The following CASKIN1 variants were observed in gnomAD, a reference collection of about 807,000 sequenced individuals.
CASKIN1 encodes CASK interacting protein 1, also known as caskin-1.
In CASKIN1, 42 loss-of-function variants were observed where a neutral mutation model predicts 117.5. The ratio of observed to expected loss-of-function variants is 0.36; its 90% CI spans 0.28 to 0.46. The LOEUF is 0.46. CASKIN1 is among the 20% of genes least tolerant of loss of function. CASKIN1 has a pLI of 1.00. For missense variants in CASKIN1, 2,083 were observed against 2,077.3 expected (o/e 1.00, Z -0.05); for synonymous variants, 1,148 against 961.7 (o/e 1.19, Z -3.59).
chr16:2,179,989 G>A lies in CASKIN1; in HGVS notation c.3379C>T (p.Arg1127Cys), dbSNP rs745646939. ...TGCTGGTTCTGCTTGGCCCGGATGCGCCTCTTGAGTGTGGCGCTGGCTTCC... is the reference window on the plus strand; with the variant it reads ...TGCTGGTTCTGCTTGGCCCGGATGCACCTCTTGAGTGTGGCGCTGGCTTCC... ...KVEASATLKR[R>C]IRAKQNQQEN... The change falls in exon 18 of 20, where the codon CGC becomes TGC. Residue 1127 changes from arginine (R) to cysteine (C), a missense_variant. Arg to Cys is a radical substitution (Grantham distance 180). Around this residue, in one of 3 missense-constraint regions of CASKIN1, gnomAD observed 1,818 missense variants for 1,688.9 expected, o/e 1.08. Coordinates refer to ENST00000343516, the MANE Select transcript of CASKIN1 (RefSeq NM_020764.4). This position sits in a 1 kb window ranked among gnomAD's most constrained non-coding sequence, Gnocchi z 5.8. 5.6e-6 allele frequency: 9 copies of A among 1,604,794 alleles called. No homozygotes were observed. The highest frequency in any genetic ancestry group is 4.5e-5 in the East Asian group (2 of 44,300).
chr16:2,185,038 G>A lies in CASKIN1; in HGVS notation c.1240-3C>T. ...TGGGAAAGCACCGTTGCCAGGAGCT[G>A]CAACCCAGAAACCCCGGCTTGTCAC... On this transcript the variant is annotated splice_polypyrimidine_tract_variant and splice_region_variant and intron_variant, in intron 12 of 19. Coordinates refer to ENST00000343516, the MANE Select transcript of CASKIN1 (RefSeq NM_020764.4). 1 of 1,608,200 alleles carries A rather than the reference G, an allele frequency of 6.2e-7. No individual in the cohort carries two copies. The highest frequency in any genetic ancestry group is 8.5e-7 in the Non-Finnish European group (1 of 1,176,350).
rs1178707637 is a variant in CASKIN1, at chr16:2,181,434, T to G, written c.1934A>C (p.Gln645Pro). Residue 645 changes from glutamine to proline, a missense_variant, in exon 18 of 20, where the codon CAG becomes CCG. Transcript: ENST00000343516. ...CTGGAAGGTGGTCATTTTAGGGGAC[T>G]GGCAGTCGGCCGGTGTGGGCTCAGG... ...PPPEPTPADC[Q>P]SPKMTTFQDS... The G allele has an allele frequency of 1.4e-5, 22 of 1,612,220 alleles. No homozygotes were observed. Among genetic ancestry groups the G allele is most frequent in the Non-Finnish European group, 1.9e-5 (22 of 1,179,806 alleles).
intron 16 of CASKIN1, among the ~76,000 whole-genome samples, chr16:2,183,203 T>C (rs1008878825): frequency 3.9e-5 from 6 of 152,150 alleles, no homozygotes; most frequent in African/African-American, 1.4e-4. Flanking sequence ...GCACACAAGC[T>C]GGTGGATGCC....
chr16:2,179,856 T>A lies in CASKIN1; in HGVS notation c.3512A>T (p.His1171Leu). ...GCGGCGCACGGTGCCAGTGCCATTA[T>A]GGTACACGGACAGTGGCGGTGGTGG... ...PEPPPPLSVY[H>L]NGTGTVRRRP... The change falls in exon 18 of 20, where the codon CAT becomes CTT. Residue 1171 changes from histidine (H) to leucine (L), a missense_variant. By Grantham distance (99) the His-to-Leu change is moderately conservative. Coordinates refer to ENST00000343516, the MANE Select transcript of CASKIN1 (RefSeq NM_020764.4). The surrounding 1 kb of genome is among the most constrained non-coding windows in gnomAD (Gnocchi z 5.8). 6.2e-7 allele frequency: 1 copy of A among 1,607,272 alleles called. No homozygotes were observed. The highest frequency in any genetic ancestry group is 1.1e-5 in the South Asian group (1 of 90,172).
intron 10 of CASKIN1, 45 bp downstream of exon 10, chr16:2,186,662 A>C (rs769057157): frequency 5.9e-5 from 91 of 1,544,584 alleles, no homozygotes; most frequent in Admixed American, 3.6e-4. Context: ...CCAGCCCCCA[A>C]GCCCAGGGGC....
intron 19 of CASKIN1, 96 bp from the exon 20 acceptor site, chr16:2,178,742 T>C (rs2093154234): frequency 1.5e-6 from 2 of 1,350,774 alleles, no homozygotes; most frequent in South Asian, 2.9e-5. Flanking sequence ...CTCCGTCGGC[T>C]TCCGCCTACC....
chr16:2,181,740 G>A (rs760324257), intron 17 of CASKIN1, 51 bp downstream of exon 17: 4 of 1,591,046 alleles, frequency 2.5e-6, no homozygotes, highest in African/African-American at 2.7e-5. Context: ...TGGTGGCTGG[G>A]GCTTGGGCTG....
In CASKIN1 at chr16:2,178,906, G is replaced by C. The variant is rs753944014; in HGVS notation, c.4195C>G (p.Pro1399Ala). 6.8e-7 allele frequency: 1 copy of C among 1,467,196 alleles called. No homozygotes were observed. 90.9% of individuals were successfully genotyped at this position (1,467,196 alleles called of 1,614,324 possible). A position where few individuals can be genotyped will look rare whatever the true frequency, so the allele number is the denominator to read the frequency against. ...CAGGCCCCGCCCCGCACCTACCGCG[G>C]GCCCTGCGCGTCCTCCTGCCGGATC... ...EKIRQEDAQGPRDSAAEKSTG... is the reference protein window; with the variant it reads ...EKIRQEDAQGARDSAAEKSTG... Residue 1399 changes from proline to alanine, a missense_variant, in exon 19 of 20, where the codon CCG becomes GCG. Transcript: ENST00000343516.
At chr16:2,186,672 C>T (rs1450517575) in intron 10 of CASKIN1, 35 bp downstream of exon 10, 6 of 1,578,612 alleles carry the variant, frequency 3.8e-6, no homozygotes, top group Non-Finnish European at 5.2e-6. Flanking sequence ...AGCCCAGGGG[C>T]TCCTGCCTGC....
At position 2,192,364 on chromosome 16, in the gene CASKIN1, C is replaced by T. The variant is rs1401567663; in HGVS notation, c.95-2006G>A. Among the ~76,000 whole-genome samples, 3 of 151,932 alleles carry T rather than the reference C, an allele frequency of 2.0e-5. No homozygotes were observed. In the East Asian group the frequency reaches 5.8e-4, roughly 29 times the overall value. ...TTGCCACGCCTCTCCTGAAGACCCC[C>T]TGGCAGCACTGGTCTCACTGGGAGG... On this transcript the variant is annotated intron_variant, in intron 1 of 19. Transcript: ENST00000343516.
In CASKIN1 at chr16:2,190,389, G is replaced by C. The variant is rs374734157; in HGVS notation, c.95-31C>G. On this transcript the variant is annotated intron_variant, in intron 1 of 19. Coordinates refer to ENST00000343516, the MANE Select transcript of CASKIN1 (RefSeq NM_020764.4). ...GATGGAAGGAGACTCAGTGAGGGGA[G>C]GCTGTGCCAGCCCCTCCAGGCGGCC... 4.6e-5 allele frequency: 72 copies of C among 1,554,060 alleles called. No individual in the cohort carries two copies. In the Middle Eastern group the frequency reaches 5.2e-4, roughly 11 times the overall value.
At position 2,181,390 on chromosome 16, in the gene CASKIN1, C is replaced by T. The variant is rs375586649; in HGVS notation, c.1978G>A (p.Glu660Lys). 17 of 1,610,178 alleles carry T rather than the reference C, an allele frequency of 1.1e-5. No homozygotes were observed. The highest frequency in any genetic ancestry group is 2.7e-5 in the African/African-American group (2 of 74,986). The part of the protein sequence containing the change: ...TTFQDSELSD[E>K]LQAAMTGPAE... Reference sequence around the variant, plus strand: ...GGGCCAGTCATGGCAGCCTGCAGCTCGTCACTGAGCTCGCTGTCCTGGAAG... The same window carrying T: ...GGGCCAGTCATGGCAGCCTGCAGCTTGTCACTGAGCTCGCTGTCCTGGAAG... The change falls in exon 18 of 20, where the codon GAG becomes AAG. Residue 660 changes from glutamate (E) to lysine (K), a missense_variant. Physicochemically the swap from Glu to Lys is moderately conservative, Grantham distance 56. Coordinates refer to ENST00000343516, the MANE Select transcript of CASKIN1 (RefSeq NM_020764.4).
At chr16:2,194,100 TGGGGTCCAGTCCATATCCCA>T (rs2093208752) in intron 1 of CASKIN1, among the ~76,000 whole-genome samples, 1 of 152,154 alleles carries the variant, frequency 6.6e-6, no homozygotes, top group African/African-American at 2.4e-5. Flanking sequence ...TCCCCACCTC[TGGGGTCCAGTCCATATCCCA>T]GGCTAGAAGG....
At chr16:2,185,245 T>G in intron 11 of CASKIN1, 46 bp from the exon 12 acceptor site, 1 of 1,604,642 alleles carries the variant, frequency 6.2e-7, no homozygotes, top group South Asian at 1.1e-5. Flanking sequence ...GGCCCCTGCC[T>G]GGCCCCACGG....
At chr16:2,189,376 G>A (rs369722523) in intron 4 of CASKIN1, 43 bp from the exon 5 acceptor site, 80 of 1,610,392 alleles carry the variant, frequency 5.0e-5, no homozygotes, top group African/African-American at 4.9e-4. Flanking sequence ...TCCTCAGGCC[G>A]CGCTGCCCCG....
chr16:2,191,174 A>G (rs1398082379), intron 1 of CASKIN1, among the ~76,000 whole-genome samples: 1 of 152,206 alleles, frequency 6.6e-6, no homozygotes, highest in East Asian at 1.9e-4. Context: ...TTTGTGGGTC[A>G]GTCACTCTGA....
At chr16:2,192,850 A>C (rs2093204895) in intron 1 of CASKIN1, among the ~76,000 whole-genome samples, 1 of 152,158 alleles carries the variant, frequency 6.6e-6, no homozygotes, top group African/African-American at 2.4e-5. Flanking sequence ...CTCGGTGGCT[A>C]AAATGGTGCC....
chr16:2,190,440 A>G, intron 1 of CASKIN1, 82 bp from the exon 2 acceptor site: 1 of 1,267,186 alleles, frequency 7.9e-7, no homozygotes, highest in East Asian at 2.5e-5. Flanking sequence ...GGGGCCAGCC[A>G]TCTCCCCGGC....
Position 2,177,407 on chromosome 16 carries a change from T to A in CASKIN1, c.*1143A>T. 1 of 232,766 alleles carries A rather than the reference T, an allele frequency of 4.3e-6. No individual in the cohort carries two copies. Among genetic ancestry groups the A allele is most frequent in the Non-Finnish European group, 8.5e-6 (1 of 117,708 alleles). 14.4% of individuals were successfully genotyped at this position (232,766 alleles called of 1,614,324 possible). A position where few individuals can be genotyped will look rare whatever the true frequency, so the allele number is the denominator to read the frequency against. ...CCCGCCCCACACCACAATCGCTGGT[T>A]TTCGGCATTTTTTAAATTTTTTTTT... On this transcript the variant is annotated 3_prime_UTR_variant, in exon 20 of 20. Transcript: ENST00000343516.
Sources: allele counts gnomAD v4.1 joint callset (sites outside exome capture counted in the v4.1 genomes callset), GRCh38; gene constraint gnomAD v4.1.1; regional missense constraint gnomAD v4.1.1; non-coding constraint Gnocchi (gnomAD v3.1); transcripts MANE v1.5; gene names NCBI Gene and HGNC (gene_info 2026-07-23, HGNC 2026-07-21).